Variants in SH2B2 observed in about 807,000 individuals in gnomAD.
The protein encoded by SH2B2 is SH2B adaptor protein 2.
A neutral mutation model predicts 35.7 loss-of-function variants in SH2B2; 37 were observed. The ratio of observed to expected loss-of-function variants is 1.04; its 90% CI spans 0.80 to 1.36. The LOEUF is 1.36. Ranked by LOEUF, SH2B2 falls within the 40% of genes most tolerant of loss-of-function variation. The pLI, the probability that SH2B2 is intolerant of heterozygous loss-of-function variation, is 0.00. For synonymous variants in SH2B2, 383 were observed against 376.4 expected (o/e 1.02, Z -0.20); for missense variants, 852 against 817.7 (o/e 1.04, Z -0.51).
intron 6 of SH2B2, among the ~76,000 whole-genome samples, chr7:102,316,864 C>T (rs1380975780): frequency 6.6e-6 from 1 of 151,790 alleles, no homozygotes; most frequent in Non-Finnish European, 1.5e-5. Context: ...ACTAAAAATA[C>T]AAAAATTAGT....
rs187969906 is a variant in SH2B2 at position 102,289,600 on chromosome 7, G to T, written c.-30+2506G>T. ...CAGGGAAGCTTTATTAGCACCTGTAGTCTCCAGAGTTCGGGGATGCTCAGA... is the reference window on the plus strand; with the variant it reads ...CAGGGAAGCTTTATTAGCACCTGTATTCTCCAGAGTTCGGGGATGCTCAGA... On this transcript the variant is annotated intron_variant, in intron 1 of 8. Coordinates refer to ENST00000444095, the MANE Select transcript of SH2B2 (RefSeq NM_001359228.2). 3.2e-3 allele frequency among the ~76,000 whole-genome samples: 483 copies of T among 152,278 alleles called. 3 individuals carry two copies. Among genetic ancestry groups the T allele is most frequent in the African/African-American group, 0.011 (440 of 41,540 alleles).
chr7:102,292,883 C>T (rs1275450728), intron 1 of SH2B2, among the ~76,000 whole-genome samples: 1 of 152,160 alleles, frequency 6.6e-6, no homozygotes, highest in African/African-American at 2.4e-5. Context: ...AAGGGGGGGT[C>T]TCTTGGCAGT....
At chr7:102,290,961 C>T (rs75407377) in intron 1 of SH2B2, among the ~76,000 whole-genome samples, 4,992 of 152,316 alleles carry the variant, frequency 0.033, 291 homozygotes, top group African/African-American at 0.11. Flanking sequence ...CTGCTGTCAC[C>T]TCCATCTTAA....
chr7:102,319,437 A>G (rs959301312), intron 7 of SH2B2, among the ~76,000 whole-genome samples: 1 of 152,058 alleles, frequency 6.6e-6, no homozygotes, highest in African/African-American at 2.4e-5. Flanking sequence ...GGGGTATCTC[A>G]CCATGTTGGC....
At chr7:102,292,663 G>C (rs1241885488) in intron 1 of SH2B2, among the ~76,000 whole-genome samples, 129,996 of 152,116 alleles carry the variant, frequency 0.85, 55,578 homozygotes, top group East Asian at 0.93. Flanking sequence ...AAAGTGCAGT[G>C]CACTGCACCC....
chr7:102,321,320 C>A lies in SH2B2; in HGVS notation c.1589C>A (p.Ala530Asp). The A allele has an allele frequency of 7.0e-7, 1 of 1,426,990 alleles. No individual in the cohort carries two copies. The highest frequency in any genetic ancestry group is 1.4e-5 in the South Asian group (1 of 71,522). 88.4% of individuals were successfully genotyped at this position (1,426,990 alleles called of 1,614,324 possible). The change falls in exon 9 of 9, where the codon GCC becomes GAC. Residue 530 changes from alanine (A) to aspartate (D), a missense_variant. Ala to Asp is a moderately radical substitution (Grantham distance 126). Transcript: ENST00000444095. Reference protein sequence around the residue: ...PPPEPGPTPPAAPASPACWSD... With the variant: ...PPPEPGPTPPDAPASPACWSD... ...GCAGAGCCGGGCCCCACGCCCCCTG[C>A]CGCGCCCGCGTCCCCGGCCTGCTGG...
chr7:102,296,017 C>G (rs1792900113), intron 1 of SH2B2, among the ~76,000 whole-genome samples: 1 of 152,194 alleles, frequency 6.6e-6, no homozygotes, highest in Non-Finnish European at 1.5e-5. Context: ...TTGAAGGAAA[C>G]CTTCCAAACT....
Position 102,321,476 on chromosome 7 carries a change from C to T in SH2B2, c.1745C>T (p.Pro582Leu). 1 of 1,186,208 alleles carries T rather than the reference C, an allele frequency of 8.4e-7. No individual in the cohort carries two copies. Among genetic ancestry groups the T allele is most frequent in the Non-Finnish European group, 1.0e-6 (1 of 956,658 alleles). The allele number at this position is 1,186,208 out of a possible 1,614,324, so 73.5% of individuals were successfully genotyped here. Residue 582 changes from proline (P) to leucine (L), a missense_variant, in exon 9 of 9, where the codon CCC becomes CTC. Pro to Leu is a moderately conservative substitution (Grantham distance 98). Around this residue, in one of 3 missense-constraint regions of SH2B2, gnomAD observed 556 missense variants for 514.5 expected, o/e 1.08. Coordinates refer to ENST00000444095, the MANE Select transcript of SH2B2 (RefSeq NM_001359228.2). ...TCCTCTGCCGCGTCGGGGCCCGCCC[C>T]CCCGCGCCCCGTCGAGGGCCAGCTC... ...SSSSAASGPA[P>L]PRPVEGQLSA...
At chr7:102,300,140 C>A (rs1382978364) in intron 1 of SH2B2, among the ~76,000 whole-genome samples, 1 of 152,240 alleles carries the variant, frequency 6.6e-6, no homozygotes, top group African/African-American at 2.4e-5. Context: ...TCTCCTGCCT[C>A]AGCCTTTCGA....
At chr7:102,286,243 C>G (rs1192691056), upstream of SH2B2, among the ~76,000 whole-genome samples, 1 of 152,210 alleles carries the variant, frequency 6.6e-6, no homozygotes, top group Non-Finnish European at 1.5e-5. Context: ...CCCTGTGGCC[C>G]GGGGGCGATT....
chr7:102,300,155 T>A (rs1554553246), intron 1 of SH2B2, among the ~76,000 whole-genome samples: 1 of 152,204 alleles, frequency 6.6e-6, no homozygotes, highest in African/African-American at 2.4e-5. Flanking sequence ...TTTCGATGGC[T>A]AGGGTTACAG....
At position 102,305,298 on chromosome 7, in the gene SH2B2, C is replaced by T. The variant is rs547534987; in HGVS notation, c.730-1423C>T. Among the ~76,000 whole-genome samples, 14 of 152,116 alleles carry T rather than the reference C, an allele frequency of 9.2e-5. 1 individual carries two copies. Among genetic ancestry groups the T allele is most frequent in the African/African-American group, 3.1e-4 (13 of 41,494 alleles). ...TTTTATATTTTGAGACAGGGTGTCA[C>T]TCTGTCGCCCAGGCTGGAGTGCAGT... On this transcript the variant is annotated intron_variant, in intron 2 of 8. Transcript: ENST00000444095.
Position 102,300,991 on chromosome 7 carries a change from C to T in SH2B2, c.441C>T (p.Gly147=), listed in dbSNP as rs1554553683. The T allele has an allele frequency of 6.9e-6, 10 of 1,442,398 alleles. No individual in the cohort carries two copies. In the East Asian group the frequency reaches 3.0e-4, roughly 43 times the overall value. The allele number at this position is 1,442,398 out of a possible 1,614,324, so 89.3% of individuals were successfully genotyped here. The part of the protein sequence containing the change: ...LRNMSLCVVD[G]VRDMWHRRAS... ...ACATGAGCCTGTGCGTGGTGGACGG[C>T]GTGCGCGACATGTGGCACCGGCGCG... The change falls in exon 2 of 9, where the codon GGC becomes GGT. Residue 147 remains glycine, a synonymous_variant. Transcript: ENST00000444095.
Position 102,314,613 on chromosome 7 carries a change from G to C in SH2B2, c.1117G>C (p.Val373Leu). 2.5e-6 allele frequency: 1 copy of C among 398,476 alleles called. No individual in the cohort carries two copies. Among genetic ancestry groups the C allele is most frequent in the Admixed American group, 4.4e-5 (1 of 22,708 alleles). 24.7% of individuals were successfully genotyped at this position (398,476 alleles called of 1,614,324 possible). ...TGCCGTCAGAGAATCCCTGATCCAC[G>C]TCCCGCTAGAGACCTTTCTGCAGAC... ...RDAVRESLIH[V>L]PLETFLQTLE... Residue 373 changes from valine (V) to leucine (L), a missense_variant, in exon 6 of 9, where the codon GTC becomes CTC. By Grantham distance (32) the Val-to-Leu change is conservative. This residue lies in a region of SH2B2 where 556 missense variants were observed against 514.5 expected (regional missense o/e 1.08). Transcript: ENST00000444095.
chr7:102,290,186 TC>T (rs1554551523), intron 1 of SH2B2, among the ~76,000 whole-genome samples: 7 of 149,192 alleles, frequency 4.7e-5, no homozygotes. Flanking sequence ...GAAGCGGAGT[TC>T]CCCAGAAACA....
At position 102,306,798 on chromosome 7, in the gene SH2B2, G is replaced by T; in HGVS notation, c.807G>T (p.Glu269Asp). The T allele has an allele frequency of 6.3e-7, 1 of 1,593,016 alleles. No individual in the cohort carries two copies. Among genetic ancestry groups the T allele is most frequent in the Non-Finnish European group, 8.5e-7 (1 of 1,169,996 alleles). ...CCACCATGCCCCTGGAAATGCCAGA[G>T]AAGGATAACACATTCGTCCTCAAGG... ...VRTTMPLEMP[E>D]KDNTFVLKVE... Residue 269 changes from glutamate (E) to aspartate (D), a missense_variant, in exon 3 of 9, where the codon GAG becomes GAT. By Grantham distance (45) the Glu-to-Asp change is conservative. Transcript: ENST00000444095.
chr7:102,301,793 G>A (rs952711130), intron 2 of SH2B2, among the ~76,000 whole-genome samples: 1 of 152,082 alleles, frequency 6.6e-6, no homozygotes, highest in Admixed American at 6.6e-5. Context: ...GGCTGGTCCT[G>A]AACTCCTTAC....
upstream of SH2B2, among the ~76,000 whole-genome samples, chr7:102,286,278 G>C: frequency 6.6e-6 from 1 of 152,236 alleles, no homozygotes; most frequent in Non-Finnish European, 1.5e-5. Flanking sequence ...GCTGCAGGGA[G>C]GGGGCGTGGT....
Position 102,306,834 on chromosome 7 carries a change from C to G in SH2B2, c.831+12C>G. On this transcript the variant is annotated intron_variant, in intron 3 of 8. Coordinates refer to ENST00000444095, the MANE Select transcript of SH2B2 (RefSeq NM_001359228.2). ...CATTCGTCCTCAAGGTGAGGTCTCA[C>G]CCCTAACCTCAGAGATCCTCCAGCT... 6.4e-7 allele frequency: 1 copy of G among 1,552,642 alleles called. No individual in the cohort carries two copies. The highest frequency in any genetic ancestry group is 8.7e-7 in the Non-Finnish European group (1 of 1,143,036).
Sources: allele counts gnomAD v4.1 joint callset (sites outside exome capture counted in the v4.1 genomes callset), GRCh38; gene constraint gnomAD v4.1.1; regional missense constraint gnomAD v4.1.1; transcripts MANE v1.5; gene names NCBI Gene and HGNC (gene_info 2026-07-23, HGNC 2026-07-21).